MAP3K7CL: variants seen among roughly 807,000 people sequenced by gnomAD.
MAP3K7CL encodes the protein MAP3K7 C-terminal-like protein.
A neutral mutation model predicts 18.6 loss-of-function variants in MAP3K7CL; 16 were observed. That is an observed-to-expected ratio of 0.86 (90% CI 0.58 to 1.31). MAP3K7CL has a LOEUF of 1.31. MAP3K7CL is among the 50% of genes most tolerant of loss of function. MAP3K7CL has a pLI of 0.00. For synonymous variants in MAP3K7CL, 65 were observed against 66.8 expected, an observed-to-expected ratio of 0.97 and a Z score of 0.13; for missense variants, 163 against 174.4, an observed-to-expected ratio of 0.93 and a Z score of 0.37.
chr21:29,127,361 C>T (rs541877706), upstream of MAP3K7CL, among the ~76,000 whole-genome samples: 1 of 152,324 alleles, frequency 6.6e-6, no homozygotes, highest in South Asian at 2.1e-4. Context: ...TATATTGATG[C>T]AGAAACACAT....
intron 4 of MAP3K7CL, among the ~76,000 whole-genome samples, chr21:29,163,977 G>A (rs999803838): frequency 2.6e-5 from 4 of 151,796 alleles, no homozygotes; most frequent in Non-Finnish European, 4.4e-5. Flanking sequence ...GTATTACAGA[G>A]TCAATATCAG....
upstream of MAP3K7CL, among the ~76,000 whole-genome samples, chr21:29,082,771 C>G (rs115539510): frequency 6.6e-6 from 1 of 152,168 alleles, no homozygotes; most frequent in South Asian, 2.1e-4. Context: ...ACTCTAAAAC[C>G]CCAGTCCCTG....
upstream of MAP3K7CL, among the ~76,000 whole-genome samples, chr21:29,130,155 A>G (rs998563861): frequency 6.6e-6 from 1 of 152,180 alleles, no homozygotes; most frequent in Non-Finnish European, 1.5e-5. Context: ...AAAAATCACA[A>G]TCCAATTATT....
chr21:29,126,540 C>A (rs1238378815), upstream of MAP3K7CL, among the ~76,000 whole-genome samples: 2 of 152,110 alleles, frequency 1.3e-5, no homozygotes, highest in African/African-American at 2.4e-5. Flanking sequence ...CTCACTGCAA[C>A]CTTCACCTCC....
At chr21:29,171,940 A>G (rs1459631733) in intron 4 of MAP3K7CL, among the ~76,000 whole-genome samples, 1 of 151,966 alleles carries the variant, frequency 6.6e-6, no homozygotes, top group Non-Finnish European at 1.5e-5. Flanking sequence ...TCATACACAC[A>G]CATATACATA....
intron 3 of MAP3K7CL, among the ~76,000 whole-genome samples, chr21:29,155,727 C>T (rs995464819): frequency 3.9e-5 from 6 of 152,192 alleles, no homozygotes; most frequent in Admixed American, 2.6e-4. Context: ...CCCTTGCGAG[C>T]TCCATCCTCA....
intron 3 of MAP3K7CL, among the ~76,000 whole-genome samples, chr21:29,153,298 G>A (rs1301078881): frequency 6.6e-6 from 1 of 152,180 alleles, no homozygotes; most frequent in Non-Finnish European, 1.5e-5. Context: ...AGTTCTATTT[G>A]TGCAGATTCC....
At chr21:29,085,837 A>G (rs376948004), upstream of MAP3K7CL, 101 of 1,613,788 alleles carry the variant, frequency 6.3e-5, no homozygotes, top group Non-Finnish European at 8.3e-5. Context: ...GAGTGGTTAA[A>G]TTACTGTCAT....
chr21:29,134,613 A>G (rs2086844595), intron 2 of MAP3K7CL, among the ~76,000 whole-genome samples: 2 of 152,086 alleles, frequency 1.3e-5, no homozygotes, highest in Admixed American at 6.6e-5. Context: ...CTGTGTCCTC[A>G]CTCAGGGTCA....
At chr21:29,131,530 CAA>C (rs2146621852) in intron 1 of MAP3K7CL, 1 of 152,268 alleles carries the variant, frequency 6.6e-6, no homozygotes, top group Non-Finnish European at 1.5e-5. Context: ...TAAGATAAAA[CAA>C]ATCCTGAATC....
At chr21:29,088,698 T>C (rs909215794) in intron 1 of MAP3K7CL, among the ~76,000 whole-genome samples, 2 of 152,124 alleles carry the variant, frequency 1.3e-5, no homozygotes, top group Admixed American at 6.5e-5. Context: ...ATAAAATGAG[T>C]GTTGGTGACA....
chr21:29,154,187 AG>A (rs2087344717), intron 3 of MAP3K7CL, among the ~76,000 whole-genome samples: 1 of 152,320 alleles, frequency 6.6e-6, no homozygotes, highest in Admixed American at 6.5e-5. Context: ...GATCTAGCAC[AG>A]TCCTTGACAA....
chr21:29,093,265 C>T (rs2832171), intron 4 of MAP3K7CL, among the ~76,000 whole-genome samples: 136,661 of 152,256 alleles, frequency 0.9, 61,608 homozygotes, highest in African/African-American at 0.97. Context: ...TAAATATCTA[C>T]AGATAGGCTT....
rs542043064 is a variant in MAP3K7CL, at chr21:29,120,264, A to G, written c.370+27683A>G. Among the ~76,000 whole-genome samples the G allele has an allele frequency of 2.7e-5, 4 of 150,876 alleles. No individual in the cohort carries two copies. In the South Asian group the frequency reaches 8.4e-4, roughly 32 times the overall value. ...TATTTGTGTATTTGTATCTTTGTATATTTGTATCTTTGGCACCAATGAAAA... is the reference window on the plus strand; with the variant it reads ...TATTTGTGTATTTGTATCTTTGTATGTTTGTATCTTTGGCACCAATGAAAA... On this transcript the variant is annotated intron_variant, in intron 4 of 6. Coordinates refer to the MAP3K7CL transcript ENST00000286791.
chr21:29,155,282 T>C (rs2087373269), intron 3 of MAP3K7CL, among the ~76,000 whole-genome samples: 1 of 152,198 alleles, frequency 6.6e-6, no homozygotes, highest in South Asian at 2.1e-4. Context: ...AATCAAGGAA[T>C]AAATACAAAG....
intron 4 of MAP3K7CL, among the ~76,000 whole-genome samples, chr21:29,112,900 C>T (rs2086444027): frequency 6.6e-6 from 1 of 152,082 alleles, no homozygotes; most frequent in Non-Finnish European, 1.5e-5. Context: ...CCTCTGCCTC[C>T]TGGGTTCAAG....
intron 4 of MAP3K7CL, chr21:29,092,649 G>A (rs1242466828): frequency 1.9e-6 from 3 of 1,581,502 alleles, no homozygotes; most frequent in East Asian, 2.3e-5. Flanking sequence ...CACCATGGGA[G>A]CCTAAGGCTG....
intron 3 of MAP3K7CL, among the ~76,000 whole-genome samples, chr21:29,151,316 G>T (rs893390351): frequency 3.3e-5 from 5 of 151,776 alleles, no homozygotes; most frequent in African/African-American, 9.7e-5. Flanking sequence ...AATTAGCCAG[G>T]TGTGGTGGCA....
At chr21:29,091,206 AG>A (rs2146499643) in intron 1 of MAP3K7CL, among the ~76,000 whole-genome samples, 1 of 152,302 alleles carries the variant, frequency 6.6e-6, no homozygotes, top group East Asian at 1.9e-4. Context: ...TAACCAAACC[AG>A]CAGAAAACAG....
Sources: allele counts gnomAD v4.1 joint callset (sites outside exome capture counted in the v4.1 genomes callset), GRCh38; gene constraint gnomAD v4.1.1; transcripts MANE v1.5; gene names NCBI Gene and HGNC (gene_info 2026-07-23, HGNC 2026-07-21).